The following SAGE1 variants were observed in gnomAD, a reference collection of about 807,000 sequenced individuals.
The protein encoded by SAGE1 is cancer/testis antigen 14.
In SAGE1, 55 loss-of-function variants were observed where a neutral mutation model predicts 55.4. The ratio of observed to expected loss-of-function variants is 0.99; its 90% CI spans 0.80 to 1.24. The LOEUF (loss-of-function observed/expected upper bound fraction) is 1.24, where lower values mean the gene tolerates loss of function less well. Ranked by LOEUF, SAGE1 falls within the 50% of genes most tolerant of loss-of-function variation. SAGE1 has a pLI of 0.00. For missense variants in SAGE1, 710 were observed against 704.4 expected (o/e 1.01, Z -0.09); for synonymous variants, 240 against 244.3 (o/e 0.98, Z 0.17).
chrX:135,896,645 A>G (rs1556594054), intron 2 of SAGE1, among the ~76,000 whole-genome samples: 3 of 104,643 alleles, frequency 2.9e-5, no homozygotes, highest in African/African-American at 1.1e-4. Context: ...CGCAACCTCC[A>G]CTTCCCGGGT....
chrX:135,910,183 A>C lies in SAGE1; in HGVS notation c.1864+13A>C. On this transcript the variant is annotated intron_variant, in intron 15 of 19. Coordinates refer to ENST00000370709, the MANE Select transcript of SAGE1 (RefSeq NM_001381902.1). ...ACCAGGGATCAGTGTAAGTTTATTC[A>C]CTTGTTGTACTGTCATACTTGGTTT... 8.4e-7 allele frequency: 1 copy of C among 1,190,757 alleles called. No individual in the cohort carries two copies. The highest frequency in any genetic ancestry group is 1.1e-6 in the Non-Finnish European group (1 of 879,684).
rs190971860 is a variant in SAGE1 at position 135,903,963 on chromosome X, C to T, written c.221-514C>T. Among the ~76,000 whole-genome samples the T allele has an allele frequency of 6.2e-5, 7 of 112,082 alleles. 1 individual carries two copies. The highest frequency in any genetic ancestry group is 7.5e-4 in the South Asian group (2 of 2,661). On this transcript the variant is annotated intron_variant, in intron 3 of 19. Transcript: ENST00000370709. ...ATCTGAGATTTCCACGTGGTAAATC[C>T]TTCTGTTTCATGAAATAAATAATTC...
intron 2 of SAGE1, among the ~76,000 whole-genome samples, chrX:135,901,015 T>C (rs782632612): frequency 2.8e-5 from 3 of 107,626 alleles, no homozygotes; most frequent in Non-Finnish European, 5.8e-5. Context: ...TGGTGGCGGG[T>C]GCCTGTAGTC....
At chrX:135,895,289 G>A (rs1200790014) in intron 1 of SAGE1, among the ~76,000 whole-genome samples, 1 of 111,568 alleles carries the variant, frequency 9.0e-6, no homozygotes, top group Non-Finnish European at 1.9e-5. Flanking sequence ...TTGTTTATAT[G>A]GAAATAACAA....
chrX:135,899,721 C>T (rs781843342), intron 2 of SAGE1, among the ~76,000 whole-genome samples: 1 of 110,610 alleles, frequency 9.0e-6, no homozygotes, highest in South Asian at 3.8e-4. Context: ...CCCTTGTTAG[C>T]CATATTCCTA....
rs782180392 is a variant in SAGE1 at position 135,911,275 on chromosome X, C to T, written c.2089C>T (p.Pro697Ser). The part of the protein sequence containing the change: ...APDNSLSTVP[P>S]GCINLSGAGI... ...TGATAACTCCTTGTCAACGGTTCCACCTGGTTGTATTAATCTGTCAGGAGC... is the reference window on the plus strand; with the variant it reads ...TGATAACTCCTTGTCAACGGTTCCATCTGGTTGTATTAATCTGTCAGGAGC... Residue 697 changes from proline (P) to serine (S), a missense_variant, in exon 17 of 20, where the codon CCT becomes TCT. Coordinates refer to ENST00000370709, the MANE Select transcript of SAGE1 (RefSeq NM_001381902.1). 8.3e-7 allele frequency: 1 copy of T among 1,208,933 alleles called. No homozygotes were observed.
intron 2 of SAGE1, among the ~76,000 whole-genome samples, chrX:135,898,827 T>A (rs1446328428): frequency 1.8e-5 from 2 of 112,383 alleles, no homozygotes; most frequent in Non-Finnish European, 3.8e-5. Flanking sequence ...TTTGCCCACT[T>A]TTTAATGGGG....
chrX:135,897,839 C>G (rs1320697971), intron 2 of SAGE1, among the ~76,000 whole-genome samples: 4 of 109,620 alleles, frequency 3.6e-5, no homozygotes, highest in Non-Finnish European at 5.7e-5. Context: ...AACTCCTCCC[C>G]CAACAGGCCC....
intron 3 of SAGE1, among the ~76,000 whole-genome samples, chrX:135,903,814 A>G (rs1469232714): frequency 7.2e-5 from 8 of 111,520 alleles, no homozygotes; most frequent in African/African-American, 2.6e-4. Context: ...ATGATACAAA[A>G]TGACGAATAC....
intron 13 of SAGE1, 101 bp from the exon 14 acceptor site, chrX:135,909,538 T>A: frequency 2.3e-6 from 2 of 871,589 alleles, no homozygotes; most frequent in Non-Finnish European, 3.2e-6. Context: ...GCCTCCTGTG[T>A]TATGGAACAA....
At position 135,908,899 on chromosome X, in the gene SAGE1, A is replaced by G; in HGVS notation, c.1477A>G (p.Met493Val). Residue 493 changes from methionine to valine, a missense_variant, in exon 13 of 20, where the codon ATG becomes GTG. Coordinates refer to ENST00000370709, the MANE Select transcript of SAGE1 (RefSeq NM_001381902.1). ...TACTCACAGTGTTCGTGAAGAGAAG[A>G]TGGAAAGTGGCAAACCCCAAACTGA... ...TITHSVREEKMESGKPQTDKV... is the reference protein window; with the variant it reads ...TITHSVREEKVESGKPQTDKV... 1.7e-6 allele frequency: 2 copies of G among 1,210,246 alleles called. No homozygotes were observed. Among genetic ancestry groups the G allele is most frequent in the Non-Finnish European group, 2.2e-6 (2 of 894,468 alleles).
chrX:135,896,636 G>A (rs1231558799), intron 2 of SAGE1, among the ~76,000 whole-genome samples: 3 of 104,716 alleles, frequency 2.9e-5, no homozygotes, highest in South Asian at 4.3e-4. Flanking sequence ...TCAGCTCACC[G>A]CAACCTCCAC....
At chrX:135,894,632 TTTC>T (rs2148070771) in intron 1 of SAGE1, among the ~76,000 whole-genome samples, 1 of 109,838 alleles carries the variant, frequency 9.1e-6, no homozygotes, top group East Asian at 2.9e-4. Context: ...GATTTTTCTG[TTTC>T]TTATTTCATT....
chrX:135,894,059 T>G (rs1439469048), intron 1 of SAGE1, among the ~76,000 whole-genome samples: 1 of 111,895 alleles, frequency 8.9e-6, no homozygotes, highest in Non-Finnish European at 1.9e-5. Flanking sequence ...ATTTATTTAT[T>G]TATTTATTCA....
intron 7 of SAGE1, 69 bp from the exon 8 acceptor site, chrX:135,906,855 CAG>C: frequency 9.2e-7 from 1 of 1,090,421 alleles, no homozygotes; most frequent in Non-Finnish European, 1.2e-6. Flanking sequence ...AACTGAGCAT[CAG>C]AGGGATATAC....
chrX:135,899,144 T>G (rs1297766655), intron 2 of SAGE1, among the ~76,000 whole-genome samples: 1 of 111,820 alleles, frequency 8.9e-6, no homozygotes, highest in Non-Finnish European at 1.9e-5. Context: ...ATTTAAGTCT[T>G]TAATCCATCT....
Position 135,912,872 on chromosome X carries a change from A to G in SAGE1, c.2690A>G (p.Lys897Arg). The change falls in exon 20 of 20, where the codon AAA becomes AGA. Residue 897 changes from lysine (K) to arginine (R), a missense_variant. Coordinates refer to ENST00000370709, the MANE Select transcript of SAGE1 (RefSeq NM_001381902.1). ...ATAGATTCCCACTGCCATCTCAGAA[A>G]AGTTAAGCACATGAGAAAAAGATAA... Reference protein sequence around the residue: ...KEIDSHCHLRKVKHMRKR With the variant: ...KEIDSHCHLRRVKHMRKR The G allele has an allele frequency of 8.3e-7, 1 of 1,202,178 alleles. No homozygotes were observed. Among genetic ancestry groups the G allele is most frequent in the Non-Finnish European group, 1.1e-6 (1 of 887,266 alleles).
Position 135,896,340 on chromosome X carries a change from T to C in SAGE1, c.87+11T>C, listed in dbSNP as rs1556593817. 2 of 1,086,612 alleles carry C rather than the reference T, an allele frequency of 1.8e-6. No homozygotes were observed. 89.5% of individuals were successfully genotyped at this position (1,086,612 alleles called of 1,213,427 possible). A position where few individuals can be genotyped will look rare whatever the true frequency, so the allele number is the denominator to read the frequency against. On this transcript the variant is annotated intron_variant, in intron 2 of 19. Transcript: ENST00000370709. ...ACAAATGATGGGCAGGTAAGATAAC[T>C]CTTTCTATTTCTGCCCTAATTGTGA...
rs782092814 is a variant in SAGE1, at chrX:135,912,313, A to G, written c.2522-8A>G. The G allele has an allele frequency of 7.6e-6, 9 of 1,182,769 alleles. No individual in the cohort carries two copies. Among genetic ancestry groups the G allele is most frequent in the African/African-American group, 1.8e-5 (1 of 56,248 alleles). On this transcript the variant is annotated splice_region_variant and splice_polypyrimidine_tract_variant and intron_variant, in intron 18 of 19. Transcript: ENST00000370709. ...TTGTAGAAATACTAATTTTTAAAAT[A>G]TCTTCAGATTATGAAAGAATTTTCA...
Sources: allele counts gnomAD v4.1 joint callset (sites outside exome capture counted in the v4.1 genomes callset), GRCh38; gene constraint gnomAD v4.1.1; transcripts MANE v1.5; gene names NCBI Gene and HGNC (gene_info 2026-07-23, HGNC 2026-07-21).